Variants in FCHSD2 observed in about 807,000 individuals in gnomAD.
FCHSD2 encodes the protein FCH and double SH3 domains 2, also known as F-BAR and double SH3 domains protein 2.
In FCHSD2, 38 loss-of-function variants were observed where a neutral mutation model predicts 108.1. The ratio of observed to expected loss-of-function variants is 0.35; its 90% CI spans 0.27 to 0.46. The LOEUF (loss-of-function observed/expected upper bound fraction) is 0.46, where lower values mean the gene tolerates loss of function less well. FCHSD2 is among the 20% of genes least tolerant of loss of function. The pLI is 1.00. For synonymous variants in FCHSD2, 279 were observed against 314.7 expected (o/e 0.89, Z 1.20); for missense variants, 751 against 897.8 (o/e 0.84, Z 2.09).
At chr11:73,083,567 A>T in intron 3 of FCHSD2, 128 bp downstream of exon 3, 1 of 640,812 alleles carries the variant, frequency 1.6e-6, no homozygotes, top group Non-Finnish European at 2.7e-6. Context: ...GAAAAAAAAA[A>T]AAACAAGAAA....
intron 12 of FCHSD2, among the ~76,000 whole-genome samples, chr11:72,876,173 A>C (rs952673452): frequency 2.0e-5 from 3 of 152,126 alleles, no homozygotes; most frequent in African/African-American, 7.2e-5. Flanking sequence ...AAAAAGGAAA[A>C]TAAAATATTA....
chr11:72,929,058 T>A (rs1307968555), intron 8 of FCHSD2, among the ~76,000 whole-genome samples: 1 of 152,212 alleles, frequency 6.6e-6, no homozygotes, highest in South Asian at 2.1e-4. Flanking sequence ...GAACTCATCA[T>A]TTTTTATGGC....
chr11:73,078,072 T>C (rs1859598926), intron 3 of FCHSD2, among the ~76,000 whole-genome samples: 1 of 152,200 alleles, frequency 6.6e-6, no homozygotes, highest in African/African-American at 2.4e-5. Flanking sequence ...TGAAGCTACA[T>C]AATTATGACT....
intron 2 of FCHSD2, among the ~76,000 whole-genome samples, chr11:73,106,014 T>C (rs763862881): frequency 3.3e-5 from 5 of 152,224 alleles, no homozygotes; most frequent in Non-Finnish European, 5.9e-5. Context: ...TCCAGAATTA[T>C]TCAGAATCAT....
At chr11:72,868,145 AC>A in intron 12 of FCHSD2, 119 bp from the exon 13 acceptor site, 1 of 858,526 alleles carries the variant, frequency 1.2e-6, no homozygotes, top group Non-Finnish European at 1.8e-6. Flanking sequence ...TGGTACATAT[AC>A]ACCATGGAAT....
chr11:73,058,756 T>A (rs1859092824), intron 3 of FCHSD2, among the ~76,000 whole-genome samples: 2 of 151,922 alleles, frequency 1.3e-5, no homozygotes, highest in African/African-American at 2.4e-5. Flanking sequence ...TTAGTCGAGA[T>A]GGGGTTTTAC....
At chr11:72,914,547 C>A (rs565324719) in intron 9 of FCHSD2, among the ~76,000 whole-genome samples, 1 of 152,088 alleles carries the variant, frequency 6.6e-6, no homozygotes, top group Admixed American at 6.5e-5. Context: ...ACACATAGAC[C>A]AATGAAACAG....
intron 8 of FCHSD2, among the ~76,000 whole-genome samples, chr11:72,974,601 C>T (rs1208092322): frequency 6.6e-6 from 1 of 152,098 alleles, no homozygotes; most frequent in African/African-American, 2.4e-5. Flanking sequence ...TCACATGTGG[C>T]CTTTAAGCAT....
At chr11:72,893,153 C>T (rs576777702) in intron 10 of FCHSD2, among the ~76,000 whole-genome samples, 2 of 151,980 alleles carry the variant, frequency 1.3e-5, no homozygotes, top group East Asian at 3.9e-4. Context: ...GCATGTACCA[C>T]CATGCCCAGT....
At chr11:72,853,625 G>C (rs1438827283) in intron 13 of FCHSD2, among the ~76,000 whole-genome samples, 3 of 152,058 alleles carry the variant, frequency 2.0e-5, no homozygotes, top group Non-Finnish European at 4.4e-5. Context: ...GTGTTGCCCA[G>C]GCTGGTCTCG....
intron 2 of FCHSD2, among the ~76,000 whole-genome samples, chr11:73,089,066 A>G (rs570586868): frequency 6.6e-6 from 1 of 152,192 alleles, no homozygotes; most frequent in Non-Finnish European, 1.5e-5. Context: ...CCTGTTTTAA[A>G]GCAAAAGACA....
At chr11:73,067,356 A>G (rs905110127) in intron 3 of FCHSD2, among the ~76,000 whole-genome samples, 7 of 152,162 alleles carry the variant, frequency 4.6e-5, no homozygotes, top group African/African-American at 1.7e-4. Flanking sequence ...AGGGTGGATA[A>G]CATTAGGAGA....
intron 2 of FCHSD2, among the ~76,000 whole-genome samples, chr11:73,126,881 T>TA (rs1860871642): frequency 6.6e-6 from 1 of 151,776 alleles, no homozygotes; most frequent in Non-Finnish European, 1.5e-5. Context: ...TTATGAAAAA[T>TA]AAAAAAATTT....
chr11:72,923,394 C>A (rs1383971960), intron 8 of FCHSD2, among the ~76,000 whole-genome samples: 1 of 152,138 alleles, frequency 6.6e-6, no homozygotes, highest in Non-Finnish European at 1.5e-5. Flanking sequence ...CCAGTGACTG[C>A]AACATTTTAC....
At chr11:72,986,733 T>C (rs965359639) in intron 6 of FCHSD2, among the ~76,000 whole-genome samples, 2 of 152,196 alleles carry the variant, frequency 1.3e-5, no homozygotes, top group Non-Finnish European at 2.9e-5. Flanking sequence ...CTAATCCTAA[T>C]ATACTTCTTG....
intron 2 of FCHSD2, among the ~76,000 whole-genome samples, chr11:73,100,017 C>T (rs1452357047): frequency 6.6e-6 from 1 of 152,192 alleles, no homozygotes; most frequent in East Asian, 1.9e-4. Flanking sequence ...AATCTTCAAC[C>T]GCTGCCTTCC....
chr11:73,015,958 G>C, intron 3 of FCHSD2, 73 bp from the exon 4 acceptor site: 2 of 795,412 alleles, frequency 2.5e-6, no homozygotes, highest in Non-Finnish European at 4.0e-6. Context: ...TAAAATACAT[G>C]ACTTAGAAAA....
chr11:73,132,037 T>C (rs967742258), intron 2 of FCHSD2, among the ~76,000 whole-genome samples: 1 of 152,216 alleles, frequency 6.6e-6, no homozygotes, highest in Non-Finnish European at 1.5e-5. Context: ...GATCCAACAT[T>C]TGTATTCCAA....
intron 12 of FCHSD2, among the ~76,000 whole-genome samples, chr11:72,886,429 G>T (rs146573248): frequency 6.6e-6 from 1 of 152,116 alleles, no homozygotes; most frequent in Non-Finnish European, 1.5e-5. Flanking sequence ...TGTTACACCC[G>T]CAACAATCCC....
Sources: gnomAD v4.1 joint callset for allele counts (sites outside exome capture counted in the v4.1 genomes callset) on GRCh38, gnomAD v4.1.1 for gene constraint, MANE v1.5 for transcripts, NCBI Gene and HGNC (gene_info 2026-07-23, HGNC 2026-07-21) for gene names.